Variants in GAREM1 observed in about 807,000 individuals in gnomAD.
GAREM1 encodes GRB2 associated regulator of MAPK1 subtype 1.
In GAREM1, 26 loss-of-function variants were observed where a neutral mutation model predicts 71.3. The ratio of observed to expected loss-of-function variants is 0.36; its 90% CI spans 0.27 to 0.51. GAREM1 has a LOEUF of 0.51. Ranked by LOEUF, GAREM1 falls within the 20% of genes least tolerant of loss-of-function variation. The pLI is 0.95. For synonymous variants in GAREM1, 440 were observed against 433.2 expected (o/e 1.02, Z -0.20); for missense variants, 1,026 against 1,103.1 (o/e 0.93, Z 0.99).
At chr18:32,421,986 AC>A (rs897292496) in intron 1 of GAREM1, among the ~76,000 whole-genome samples, 3 of 150,366 alleles carry the variant, frequency 2.0e-5, no homozygotes, top group Non-Finnish European at 4.4e-5. Flanking sequence ...CCTTTCTCCT[AC>A]TTTTTTTTTT....
At chr18:32,421,991 T>G (rs1441438686) in intron 1 of GAREM1, among the ~76,000 whole-genome samples, 1 of 152,200 alleles carries the variant, frequency 6.6e-6, no homozygotes, top group Non-Finnish European at 1.5e-5. Context: ...CTCCTACTTT[T>G]TTTTTTATAC....
chr18:32,357,411 T>C (rs2047816921), intron 2 of GAREM1, among the ~76,000 whole-genome samples: 1 of 152,242 alleles, frequency 6.6e-6, no homozygotes, highest in African/African-American at 2.4e-5. Flanking sequence ...TTTCACGTGC[T>C]ACCTTTATCT....
chr18:32,415,636 T>C (rs1568002761), intron 1 of GAREM1, among the ~76,000 whole-genome samples: 1 of 152,074 alleles, frequency 6.6e-6, no homozygotes, highest in South Asian at 2.1e-4. Flanking sequence ...ATGGTCATTT[T>C]ACTGATGCTG....
intron 3 of GAREM1, among the ~76,000 whole-genome samples, chr18:32,308,608 G>A (rs999770775): frequency 6.7e-6 from 1 of 149,666 alleles, no homozygotes; most frequent in African/African-American, 2.5e-5. Flanking sequence ...AATGGAATAG[G>A]ATTTAACTTC....
Position 32,267,776 on chromosome 18 carries a change from G to GT in GAREM1, c.*94dup, listed in dbSNP as rs35950532. Reference sequence around the variant, plus strand: ...TCTCTTATCCCTATTTACAGAGAAGGTTTTTAGTGCAAAAACATGAAATTG... The same window carrying GT: ...TCTCTTATCCCTATTTACAGAGAAGGTTTTTTAGTGCAAAAACATGAAATTG... On this transcript the variant is annotated 3_prime_UTR_variant, in exon 6 of 6. Transcript: ENST00000269209. 27,919 of 997,876 alleles carry GT rather than the reference G, an allele frequency of 0.028. 784 individuals carry two copies. The highest frequency in any genetic ancestry group is 0.11 in the African/African-American group (7,086 of 61,618). The allele number at this position is 997,876 out of a possible 1,614,324, so 61.8% of individuals were successfully genotyped here.
intron 1 of GAREM1, among the ~76,000 whole-genome samples, chr18:32,420,159 T>A (rs2048506155): frequency 6.6e-6 from 1 of 152,204 alleles, no homozygotes; most frequent in African/African-American, 2.4e-5. Context: ...CTTGGCTTTT[T>A]AAAGTTAACT....
Position 32,268,237 on chromosome 18 carries a change from G to C in GAREM1, c.2265C>G (p.Pro755=). The C allele has an allele frequency of 1.2e-6, 2 of 1,614,028 alleles. No homozygotes were observed. The highest frequency in any genetic ancestry group is 1.7e-6 in the Non-Finnish European group (2 of 1,179,986). The change falls in exon 6 of 6, where the codon CCC becomes CCG. Residue 755 remains proline (P), a synonymous_variant. Coordinates refer to ENST00000269209, the MANE Select transcript of GAREM1 (RefSeq NM_001242409.2). ...CCGAGAGATCTGGTGACCCAGACTTGGGGTCTTCCTCAGCACCATCAATTT... is the reference window on the plus strand; with the variant it reads ...CCGAGAGATCTGGTGACCCAGACTTCGGGTCTTCCTCAGCACCATCAATTT... ...PLKIDGAEED[P]KSGSPDLSED...
chr18:32,331,086 A>ATGTC, intron 2 of GAREM1, among the ~76,000 whole-genome samples: 1 of 152,310 alleles, frequency 6.6e-6, no homozygotes, highest in Non-Finnish European at 1.5e-5. Flanking sequence ...CATCATAGAT[A>ATGTC]ATTATAGGTT....
chr18:32,270,897 G>GTTGTTT (rs2041451515), intron 4 of GAREM1, among the ~76,000 whole-genome samples: 1 of 92,596 alleles, frequency 1.1e-5, no homozygotes, highest in Non-Finnish European at 2.0e-5. Context: ...GTTCAGGGAT[G>GTTGTTT]TTTTTTTTTT....
intron 3 of GAREM1, among the ~76,000 whole-genome samples, chr18:32,295,971 T>TC (rs902450280): frequency 5.9e-5 from 9 of 151,968 alleles, no homozygotes; most frequent in South Asian, 2.1e-4. Flanking sequence ...TTCTTTTTTT[T>TC]TTTTCTTTTG....
intron 2 of GAREM1, among the ~76,000 whole-genome samples, chr18:32,391,526 G>A (rs181648754): frequency 8.6e-4 from 131 of 152,266 alleles, no homozygotes; most frequent in Non-Finnish European, 1.3e-3. Flanking sequence ...AAGTATATAG[G>A]ATGAAGCAAT....
intron 1 of GAREM1, among the ~76,000 whole-genome samples, chr18:32,400,805 C>T (rs2048307201): frequency 1.3e-5 from 2 of 152,046 alleles, no homozygotes; most frequent in African/African-American, 4.8e-5. Flanking sequence ...ACCATTTGAC[C>T]CAGCCATCTC....
intron 3 of GAREM1, 85 bp downstream of exon 3, chr18:32,310,108 G>C: frequency 6.8e-7 from 1 of 1,476,692 alleles, no homozygotes; most frequent in Non-Finnish European, 9.3e-7. Flanking sequence ...AGGAGACACA[G>C]ATGAACACTT....
chr18:32,295,306 T>C (rs995204228), intron 3 of GAREM1, among the ~76,000 whole-genome samples: 1 of 152,224 alleles, frequency 6.6e-6, no homozygotes, highest in African/African-American at 2.4e-5. Flanking sequence ...TAATTCTACA[T>C]GCTTGAAATA....
intron 3 of GAREM1, among the ~76,000 whole-genome samples, chr18:32,299,620 AATTT>A (rs954414988): frequency 3.3e-5 from 5 of 152,056 alleles, no homozygotes; most frequent in African/African-American, 1.2e-4. Flanking sequence ...AGGAATCAAT[AATTT>A]CTGACCTCTC....
chr18:32,378,057 T>TGTGTGTGTGTGTGTGCGCGC (rs1293817110), intron 2 of GAREM1, among the ~76,000 whole-genome samples: 3 of 127,524 alleles, frequency 2.4e-5, no homozygotes, highest in African/African-American at 9.1e-5. Context: ...TGTGTGTGTG[T>TGTGTGTGTGTGTGTGCGCGC]GCGCGCGGGC....
At chr18:32,440,326 C>G (rs926442798) in intron 1 of GAREM1, among the ~76,000 whole-genome samples, 3 of 152,088 alleles carry the variant, frequency 2.0e-5, no homozygotes, top group African/African-American at 7.2e-5. Context: ...GGGAACCTCT[C>G]TATCTCATGT....
At chr18:32,427,533 T>C (rs1284412519) in intron 1 of GAREM1, among the ~76,000 whole-genome samples, 2 of 152,140 alleles carry the variant, frequency 1.3e-5, no homozygotes, top group Non-Finnish European at 2.9e-5. Context: ...TGGTGCAGTA[T>C]CACCACTATC....
chr18:32,457,501 C>T (rs1379648605), intron 1 of GAREM1, among the ~76,000 whole-genome samples: 1 of 151,866 alleles, frequency 6.6e-6, no homozygotes, highest in African/African-American at 2.4e-5. Context: ...TGTACACAAT[C>T]TACTCAGGTA....
Sources: allele counts gnomAD v4.1 joint callset (sites outside exome capture counted in the v4.1 genomes callset), GRCh38; gene constraint gnomAD v4.1.1; transcripts MANE v1.5; gene names NCBI Gene and HGNC (gene_info 2026-07-23, HGNC 2026-07-21).